The following PTAFR variants were observed in gnomAD, a reference collection of about 807,000 sequenced individuals.
PTAFR encodes the protein platelet activating factor receptor, also known as platelet-activating factor receptor.
PTAFR carries 8 observed loss-of-function variants against 14.7 expected under a neutral mutation model. That is an observed-to-expected ratio of 0.54 (90% CI 0.32 to 0.98). The LOEUF (loss-of-function observed/expected upper bound fraction) is 0.98, where lower values mean the gene tolerates loss of function less well. Ranked by LOEUF, PTAFR falls within the 50% of genes least tolerant of loss-of-function variation. PTAFR has a pLI of 0.04. For synonymous variants in PTAFR, 156 were observed against 176.5 expected (o/e 0.88, Z 0.92); for missense variants, 337 against 451.2 (o/e 0.75, Z 2.29).
chr1:28,180,616 T>C (rs999994791), upstream of PTAFR, among the ~76,000 whole-genome samples: 1 of 151,988 alleles, frequency 6.6e-6, no homozygotes, highest in Admixed American at 6.6e-5. Flanking sequence ...GCATCACCAA[T>C]CCCACAGTGG....
chr1:28,166,443 G>A (rs1390644960), intron 1 of PTAFR, among the ~76,000 whole-genome samples: 1 of 152,100 alleles, frequency 6.6e-6, no homozygotes, highest in Non-Finnish European at 1.5e-5. Context: ...GGGCTAAGGT[G>A]GGCAGATCAC....
chr1:28,150,088 G>A lies in PTAFR; in HGVS notation c.934C>T (p.Arg312Cys), dbSNP rs762152737. 2 of 1,614,164 alleles carry A rather than the reference G, an allele frequency of 1.2e-6. No homozygotes were observed. The highest frequency in any genetic ancestry group is 1.1e-5 in the South Asian group (1 of 91,080). ...KHLTEKFYSMRSSRKCSRATT... is the reference protein window; with the variant it reads ...KHLTEKFYSMCSSRKCSRATT... ...GCCCGGGAGCATTTCCGGCTACTGC[G>A]CATGCTGTAGAACTTTTCGGTGAGG... The change falls in exon 2 of 2, where the codon CGC becomes TGC. Residue 312 changes from arginine to cysteine, a missense_variant. Physicochemically the swap from Arg to Cys is radical, Grantham distance 180. Coordinates refer to ENST00000373857, the MANE Select transcript of PTAFR (RefSeq NM_000952.5). This position sits in a 1 kb window ranked among gnomAD's most constrained non-coding sequence, Gnocchi z 6.3.
At chr1:28,158,089 C>T (rs1340346763) in intron 1 of PTAFR, among the ~76,000 whole-genome samples, 1 of 152,130 alleles carries the variant, frequency 6.6e-6, no homozygotes, top group Non-Finnish European at 1.5e-5. Context: ...ACAGACCCAG[C>T]CCTTGAGCAG....
chr1:28,148,727 G>A lies in PTAFR; in HGVS notation c.*1266C>T, dbSNP rs1463855896. On this transcript the variant is annotated 3_prime_UTR_variant, in exon 2 of 2. Transcript: ENST00000373857. Reference sequence around the variant, plus strand: ...GATCGGCCCACCTCAGCCTCCCAAAGTACTGGGATTACAGGCATGAGCCAT... The same window carrying A: ...GATCGGCCCACCTCAGCCTCCCAAAATACTGGGATTACAGGCATGAGCCAT... The A allele has an allele frequency of 6.6e-6, 1 of 152,226 alleles. No homozygotes were observed. Among genetic ancestry groups the A allele is most frequent in the African/African-American group, 2.4e-5 (1 of 41,442 alleles). 9.4% of individuals were successfully genotyped at this position (152,226 alleles called of 1,614,324 possible). A position where few individuals can be genotyped will look rare whatever the true frequency, so the allele number is the denominator to read the frequency against.
chr1:28,184,958 C>T (rs756807626), intron 1 of PTAFR, among the ~76,000 whole-genome samples: 42 of 151,998 alleles, frequency 2.8e-4, no homozygotes, highest in Middle Eastern at 3.2e-3. Context: ...CCCTTTTGCA[C>T]CTGTTGTTCT....
intron 1 of PTAFR, among the ~76,000 whole-genome samples, chr1:28,187,936 T>G (rs1646620050): frequency 6.6e-6 from 1 of 152,088 alleles, no homozygotes; most frequent in African/African-American, 2.4e-5. Flanking sequence ...CCCAGCACTT[T>G]GGGAGGCTGA....
intron 1 of PTAFR, among the ~76,000 whole-genome samples, chr1:28,168,842 A>G (rs1388257340): frequency 6.6e-6 from 1 of 151,848 alleles, no homozygotes; most frequent in Non-Finnish European, 1.5e-5. Context: ...CTAATTTTGT[A>G]TTTTTGGTAG....
At chr1:28,161,214 C>G (rs1198410525) in intron 1 of PTAFR, among the ~76,000 whole-genome samples, 1 of 152,160 alleles carries the variant, frequency 6.6e-6, no homozygotes, top group African/African-American at 2.4e-5. Flanking sequence ...ACTTCCGTAG[C>G]TCATAGCTCT....
chr1:28,190,375 G>A (rs1208336530), intron 1 of PTAFR, among the ~76,000 whole-genome samples: 1 of 152,200 alleles, frequency 6.6e-6, no homozygotes, highest in East Asian at 1.9e-4. Context: ...CTGGGAAAGA[G>A]GGGGTGGAAT....
At chr1:28,186,728 C>G (rs1295662145) in intron 1 of PTAFR, among the ~76,000 whole-genome samples, 1 of 152,046 alleles carries the variant, frequency 6.6e-6, no homozygotes, top group Non-Finnish European at 1.5e-5. Context: ...AGTTCAAGAT[C>G]AGCCTGGGCA....
chr1:28,172,106 C>T (rs761192660), intron 1 of PTAFR, among the ~76,000 whole-genome samples: 8 of 152,140 alleles, frequency 5.3e-5, no homozygotes, highest in Non-Finnish European at 1.2e-4. Flanking sequence ...ACCTCCGCCT[C>T]CCAGGTTCAA....
chr1:28,173,301 G>C lies in PTAFR; in HGVS notation c.-39+3291C>G, dbSNP rs1186108007. On this transcript the variant is annotated intron_variant, in intron 1 of 1. Transcript: ENST00000373857. ...AGACTGTGTCTCTTAAAAAAAAAGG[G>C]GGGGGGGTGTGCGGGGGGTGTAGGC... 5.9e-5 allele frequency among the ~76,000 whole-genome samples: 6 copies of C among 101,628 alleles called. No individual in the cohort carries two copies. The South Asian group carries it at 1.7e-3, about 29-fold the overall frequency. 66.7% of individuals were successfully genotyped at this position (101,628 alleles called of 152,430 possible).
intron 1 of PTAFR, among the ~76,000 whole-genome samples, chr1:28,166,777 G>A (rs1572038078): frequency 6.6e-6 from 1 of 152,170 alleles, no homozygotes; most frequent in Non-Finnish European, 1.5e-5. Context: ...AGGAGTTTGG[G>A]ATCAGCCTGG....
chr1:28,186,840 G>A (rs1158511028), intron 1 of PTAFR, among the ~76,000 whole-genome samples: 3 of 152,172 alleles, frequency 2.0e-5, no homozygotes, highest in South Asian at 2.1e-4. Flanking sequence ...CAGTAGGATC[G>A]CCTGAACCCG....
At chr1:28,162,829 CAAAA>C (rs529755155) in intron 1 of PTAFR, among the ~76,000 whole-genome samples, 2 of 59,162 alleles carry the variant, frequency 3.4e-5, no homozygotes, top group African/African-American at 6.7e-5. Flanking sequence ...ACTTTGTCTC[CAAAA>C]AAAAAAAAAA....
intron 1 of PTAFR, among the ~76,000 whole-genome samples, chr1:28,172,824 C>G (rs990064249): frequency 6.6e-6 from 1 of 151,984 alleles, no homozygotes; most frequent in African/African-American, 2.4e-5. Flanking sequence ...CAGCTCTGAG[C>G]CTTGGGGTTT....
intron 1 of PTAFR, among the ~76,000 whole-genome samples, chr1:28,166,299 T>C (rs1646384233): frequency 6.6e-6 from 1 of 152,164 alleles, no homozygotes; most frequent in Admixed American, 6.6e-5. Context: ...CCATATATTA[T>C]ACAAAAATTA....
chr1:28,152,191 CT>C (rs1646200558), intron 1 of PTAFR, among the ~76,000 whole-genome samples: 1 of 152,216 alleles, frequency 6.6e-6, no homozygotes, highest in South Asian at 2.1e-4. Context: ...GCCACCACCC[CT>C]GACCATGCAG....
chr1:28,182,914 C>G (rs1228041174), intron 1 of PTAFR, among the ~76,000 whole-genome samples: 1 of 152,170 alleles, frequency 6.6e-6, no homozygotes, highest in African/African-American at 2.4e-5. Context: ...CTCCTGACCT[C>G]AAGTGATCCA....
Sources: gnomAD v4.1 joint callset for allele counts (sites outside exome capture counted in the v4.1 genomes callset) on GRCh38, gnomAD v4.1.1 for gene constraint, Gnocchi (gnomAD v3.1) non-coding constraint, MANE v1.5 for transcripts, NCBI Gene and HGNC (gene_info 2026-07-23, HGNC 2026-07-21) for gene names.